AHR: variants seen among roughly 807,000 people sequenced by gnomAD.
AHR encodes AH-receptor.
In AHR, 40 loss-of-function variants were observed where a neutral mutation model predicts 86.8. The ratio of observed to expected loss-of-function variants is 0.46; its 90% CI spans 0.36 to 0.60. The LOEUF is 0.60. AHR is among the 20% of genes least tolerant of loss of function. The pLI, the probability that AHR is intolerant of heterozygous loss-of-function variation, is 0.00. For synonymous variants in AHR, 398 were observed against 354.9 expected (o/e 1.12, Z -1.37); for missense variants, 1,001 against 1,011.6 (o/e 0.99, Z 0.14).
intron 1 of AHR, among the ~76,000 whole-genome samples, chr7:17,307,192 C>A (rs1782014463): frequency 6.6e-6 from 1 of 152,006 alleles, no homozygotes; most frequent in African/African-American, 2.4e-5. Flanking sequence ...TTAGTTCTCC[C>A]TGTGTCATAG....
Position 17,322,974 on chromosome 7 carries a change from T to C in AHR, c.360+367T>C, listed in dbSNP as rs1357305953. 3.3e-5 allele frequency among the ~76,000 whole-genome samples: 5 copies of C among 152,182 alleles called. No individual in the cohort carries two copies. In the East Asian group the frequency reaches 5.8e-4, roughly 18 times the overall value. On this transcript the variant is annotated intron_variant, in intron 3 of 10. Coordinates refer to ENST00000242057, the MANE Select transcript of AHR (RefSeq NM_001621.5). ...TCTGTAGCCTTGGAGCAATAAGTTA[T>C]ACTGTATAGCGTAAGTGTATGGTAG...
intron 9 of AHR, among the ~76,000 whole-genome samples, chr7:17,336,791 A>G (rs900602284): frequency 1.2e-4 from 19 of 152,172 alleles, no homozygotes; most frequent in African/African-American, 3.9e-4. Flanking sequence ...CCCTTGATCA[A>G]TGTTTCTAGA....
chr7:17,337,471 T>G (rs1264752569), intron 9 of AHR, among the ~76,000 whole-genome samples: 1 of 151,526 alleles, frequency 6.6e-6, no homozygotes, highest in Admixed American at 6.6e-5. Context: ...TTTTTACATC[T>G]TTCTGTTTTT....
Position 17,301,643 on chromosome 7 carries a change from C to G in AHR, c.65+2314C>G, listed in dbSNP as rs995235630. On this transcript the variant is annotated intron_variant, in intron 1 of 10. Transcript: ENST00000242057. ...AATTGTAACCTGAAGCTCTTTCAATCTTGAGTTGAATTTATTAAGAAAAAT... is the reference window on the plus strand; with the variant it reads ...AATTGTAACCTGAAGCTCTTTCAATGTTGAGTTGAATTTATTAAGAAAAAT... Among the ~76,000 whole-genome samples the G allele has an allele frequency of 2.0e-5, 3 of 151,828 alleles. No homozygotes were observed. In the South Asian group the frequency reaches 6.2e-4, roughly 31 times the overall value.
chr7:17,312,248 C>G (rs1018595319), intron 2 of AHR, among the ~76,000 whole-genome samples: 3 of 152,096 alleles, frequency 2.0e-5, no homozygotes, highest in African/African-American at 2.4e-5. Context: ...ATTCTGGAGT[C>G]TAGAAGCCAA....
In AHR at chr7:17,298,865, C is replaced by A; in HGVS notation, c.-400C>A. Reference sequence around the variant, plus strand: ...TCACCCAAGGGGCCGCGGCGACGGTCACGGGGCGCGGCGCCACCGTGAGCG... The same window carrying A: ...TCACCCAAGGGGCCGCGGCGACGGTAACGGGGCGCGGCGCCACCGTGAGCG... On this transcript the variant is annotated 5_prime_UTR_variant, in exon 1 of 11. Transcript: ENST00000242057. 1 of 398,458 alleles carries A rather than the reference C, an allele frequency of 2.5e-6. No individual in the cohort carries two copies. Among genetic ancestry groups the A allele is most frequent in the East Asian group, 3.6e-5 (1 of 27,982 alleles). The allele number at this position is 398,458 out of a possible 1,614,324, so 24.7% of individuals were successfully genotyped here.
In AHR at chr7:17,344,301, T is replaced by C. The variant is rs912144103; in HGVS notation, c.*1237T>C. ...GGTGCAAAGTATTGTAATGAGTGAA[T>C]TGAATGGTGCATTGTATAGATATAA... is the stretch of plus-strand genomic sequence containing the variant. On this transcript the variant is annotated 3_prime_UTR_variant, in exon 11 of 11. Transcript: ENST00000242057. 1 of 152,782 alleles carries C rather than the reference T, an allele frequency of 6.5e-6. No individual in the cohort carries two copies. The highest frequency in any genetic ancestry group is 2.4e-5 in the African/African-American group (1 of 41,470). The allele number at this position is 152,782 out of a possible 1,614,324, so 9.5% of individuals were successfully genotyped here. A position where few individuals can be genotyped will look rare whatever the true frequency, so the allele number is the denominator to read the frequency against.
rs1216535710 is a variant in AHR, at chr7:17,338,997, G to A, written c.1172G>A (p.Gly391Glu). Residue 391 changes from glycine (G) to glutamate (E), a missense_variant, in exon 10 of 11, where the codon GGA becomes GAA. Physicochemically the swap from Gly to Glu is moderately conservative, Grantham distance 98. This residue lies in a region of AHR where 607 missense variants were observed against 543.1 expected (regional missense o/e 1.12). Coordinates refer to ENST00000242057, the MANE Select transcript of AHR (RefSeq NM_001621.5). ...GTACACAATTTTAGAGATGAGGAAG[G>A]AACAGAGCATTTACGAAAACGAAAT... is the stretch of plus-strand genomic sequence containing the variant. ...VTQRPLTDEE[G>E]TEHLRKRNTK... 3 of 1,612,748 alleles carry A rather than the reference G, an allele frequency of 1.9e-6. No homozygotes were observed. The highest frequency in any genetic ancestry group is 2.5e-6 in the Non-Finnish European group (3 of 1,179,144).
chr7:17,328,471 C>T (rs1782251957), intron 4 of AHR, among the ~76,000 whole-genome samples: 1 of 151,938 alleles, frequency 6.6e-6, no homozygotes, highest in Non-Finnish European at 1.5e-5. Flanking sequence ...GCAAGAACAT[C>T]TTTTATGGTT....
At chr7:17,318,131 C>G (rs1168862235) in intron 2 of AHR, among the ~76,000 whole-genome samples, 1 of 152,048 alleles carries the variant, frequency 6.6e-6, no homozygotes, top group Non-Finnish European at 1.5e-5. Context: ...GATATGCTTT[C>G]CCTGGCAAGA....
At chr7:17,305,859 T>C (rs1315270881) in intron 1 of AHR, among the ~76,000 whole-genome samples, 1 of 152,132 alleles carries the variant, frequency 6.6e-6, no homozygotes, top group Non-Finnish European at 1.5e-5. Flanking sequence ...ATGGAGATGT[T>C]AAAAAGGCTT....
Position 17,342,969 on chromosome 7 carries a change from A to G in AHR, c.2452A>G (p.Ile818Val), listed in dbSNP as rs372313569. 1.7e-5 allele frequency: 28 copies of G among 1,613,552 alleles called. No homozygotes were observed. Among genetic ancestry groups the G allele is most frequent in the South Asian group, 9.9e-5 (9 of 91,026 alleles). Residue 818 changes from isoleucine to valine, a missense_variant, in exon 11 of 11, where the codon ATA becomes GTA. Physicochemically the swap from Ile to Val is conservative, Grantham distance 29. Transcript: ENST00000242057. ...NETYPAELNN[I>V]NNTQTTTHLQ... ...AACATATCCAGCTGAATTAAATAAC[A>G]TAAATAACACTCAGACTACCACACA...
At chr7:17,311,658 C>G (rs141907403) in intron 2 of AHR, among the ~76,000 whole-genome samples, 12 of 152,244 alleles carry the variant, frequency 7.9e-5, no homozygotes, top group African/African-American at 2.9e-4. Context: ...TTATATATTT[C>G]AAAGTTTCAT....
intron 1 of AHR, among the ~76,000 whole-genome samples, chr7:17,304,160 A>G (rs373225769): frequency 5.9e-5 from 9 of 152,130 alleles, no homozygotes; most frequent in African/African-American, 1.7e-4. Context: ...TTAAAAGTCA[A>G]TTATATATGT....
Position 17,339,758 on chromosome 7 carries a change from A to C in AHR, c.1933A>C (p.Met645Leu). 1 of 1,614,218 alleles carries C rather than the reference A, an allele frequency of 6.2e-7. No individual in the cohort carries two copies. Among genetic ancestry groups the C allele is most frequent in the East Asian group, 2.2e-5 (1 of 44,878 alleles). Reference protein sequence around the residue: ...QQQLCQKMKHMQVNGMFENWN... With the variant: ...QQQLCQKMKHLQVNGMFENWN... ...ACAGCTGTGTCAGAAGATGAAGCAC[A>C]TGCAAGTTAATGGCATGTTTGAAAA... The change falls in exon 10 of 11, where the codon ATG becomes CTG. Residue 645 changes from methionine to leucine, a missense_variant. By Grantham distance (15) the Met-to-Leu change is conservative. This residue lies in a region of AHR where 607 missense variants were observed against 543.1 expected (regional missense o/e 1.12). Coordinates refer to ENST00000242057, the MANE Select transcript of AHR (RefSeq NM_001621.5).
chr7:17,340,047 G>A lies in AHR; in HGVS notation c.2222G>A (p.Cys741Tyr), dbSNP rs1288748389. ...TTSSLEDFVTCLQLPENQKHG... is the reference protein window; with the variant it reads ...TTSSLEDFVTYLQLPENQKHG... ...TCTAGTTTAGAAGATTTTGTCACTTGTTTACAACTTCCTGAAAACCAAAAG... is the reference window on the plus strand; with the variant it reads ...TCTAGTTTAGAAGATTTTGTCACTTATTTACAACTTCCTGAAAACCAAAAG... Residue 741 changes from cysteine to tyrosine, a missense_variant, in exon 10 of 11, where the codon TGT becomes TAT. Physicochemically the swap from Cys to Tyr is radical, Grantham distance 194. This residue lies in a region of AHR where 607 missense variants were observed against 543.1 expected (regional missense o/e 1.12). Coordinates refer to ENST00000242057, the MANE Select transcript of AHR (RefSeq NM_001621.5). The A allele has an allele frequency of 1.2e-6, 2 of 1,614,130 alleles. No homozygotes were observed. The highest frequency in any genetic ancestry group is 4.5e-5 in the East Asian group (2 of 44,890).
intron 10 of AHR, 67 bp downstream of exon 10, chr7:17,340,295 A>T: frequency 1.3e-6 from 2 of 1,494,326 alleles, no homozygotes; most frequent in Non-Finnish European, 1.8e-6. Flanking sequence ...CATGTTACAC[A>T]TTTTTTATGT....
At chr7:17,301,388 C>T (rs1380915676) in intron 1 of AHR, among the ~76,000 whole-genome samples, 1 of 151,874 alleles carries the variant, frequency 6.6e-6, no homozygotes, top group African/African-American at 2.4e-5. Flanking sequence ...CAGTTTGTGG[C>T]CTAATGAGCC....
chr7:17,312,803 A>G (rs1782079659), intron 2 of AHR, among the ~76,000 whole-genome samples: 2 of 152,194 alleles, frequency 1.3e-5, no homozygotes, highest in South Asian at 2.1e-4. Context: ...TGCATTGTGC[A>G]TAAGAATTAC....
Sources: allele counts gnomAD v4.1 joint callset (sites outside exome capture counted in the v4.1 genomes callset), GRCh38; gene constraint gnomAD v4.1.1; regional missense constraint gnomAD v4.1.1; transcripts MANE v1.5; gene names NCBI Gene and HGNC (gene_info 2026-07-23, HGNC 2026-07-21).